The following ETV6 variants were observed in gnomAD, a reference collection of about 807,000 sequenced individuals.
The protein encoded by ETV6 is ETS variant transcription factor 6.
Under a neutral mutation model 51.1 loss-of-function variants are expected in ETV6, and 16 were observed. The ratio of observed to expected loss-of-function variants is 0.31; its 90% CI spans 0.21 to 0.48. The LOEUF is 0.48. ETV6 is among the 20% of genes least tolerant of loss of function. The probability of loss-of-function intolerance (pLI) is 0.99; values close to 1 mark genes in which losing one functional copy is unlikely to be tolerated. For synonymous variants in ETV6, 240 were observed against 224.1 expected (o/e 1.07, Z -0.64); for missense variants, 458 against 594.8 (o/e 0.77, Z 2.39).
At chr12:11,846,855 GTTGT>G (rs994281106) in intron 3 of ETV6, among the ~76,000 whole-genome samples, 76 of 152,246 alleles carry the variant, frequency 5.0e-4, no homozygotes, top group African/African-American at 1.7e-3. Flanking sequence ...TTTGTTTTTT[GTTGT>G]TTGTTTGTTT....
chr12:11,890,124 A>AT (rs34570955), intron 7 of ETV6, among the ~76,000 whole-genome samples: 14,077 of 131,078 alleles, frequency 0.11, 864 homozygotes, highest in Middle Eastern at 0.2. Flanking sequence ...ATTGTAAAAG[A>AT]TTTTTTTTTT....
intron 1 of ETV6, among the ~76,000 whole-genome samples, chr12:11,696,746 A>C (rs1434634012): frequency 6.6e-6 from 1 of 152,140 alleles, no homozygotes; most frequent in Non-Finnish European, 1.5e-5. Context: ...AACCCGGGAG[A>C]TGGAGGTTGC....
intron 2 of ETV6, among the ~76,000 whole-genome samples, chr12:11,801,183 C>A (rs1261126772): frequency 1.3e-5 from 2 of 152,174 alleles, no homozygotes; most frequent in Non-Finnish European, 2.9e-5. Flanking sequence ...CATAAATTAA[C>A]TGGAAGGGAA....
chr12:11,821,048 G>A (rs1241599447), intron 2 of ETV6, among the ~76,000 whole-genome samples: 1 of 152,134 alleles, frequency 6.6e-6, no homozygotes, highest in African/African-American at 2.4e-5. Flanking sequence ...ACTTACCAAT[G>A]GACCAGAAGG....
intron 2 of ETV6, among the ~76,000 whole-genome samples, chr12:11,794,332 G>C (rs982885529): frequency 6.6e-6 from 1 of 152,124 alleles, no homozygotes; most frequent in Non-Finnish European, 1.5e-5. Flanking sequence ...CCTTACCTGG[G>C]GCTATTTTGA....
At chr12:11,808,356 A>G (rs1046174114) in intron 2 of ETV6, among the ~76,000 whole-genome samples, 17 of 152,172 alleles carry the variant, frequency 1.1e-4, no homozygotes, top group Non-Finnish European at 2.2e-4. Context: ...GTACCTGACA[A>G]GGTATACAGT....
At chr12:11,815,764 T>C (rs965677137) in intron 2 of ETV6, among the ~76,000 whole-genome samples, 1 of 151,896 alleles carries the variant, frequency 6.6e-6, no homozygotes, top group Non-Finnish European at 1.5e-5. Context: ...TTGGGGATAT[T>C]TGTGAACAGG....
At chr12:11,886,535 A>T (rs1045621548) in intron 7 of ETV6, among the ~76,000 whole-genome samples, 1 of 152,076 alleles carries the variant, frequency 6.6e-6, no homozygotes, top group Admixed American at 6.5e-5. Context: ...GACATGTAGC[A>T]AGAATGACAG....
At chr12:11,773,328 T>G (rs1945270984) in intron 2 of ETV6, among the ~76,000 whole-genome samples, 1 of 151,758 alleles carries the variant, frequency 6.6e-6, no homozygotes, top group Non-Finnish European at 1.5e-5. Flanking sequence ...TATATAAATT[T>G]TTTTTTAATT....
chr12:11,722,947 A>G (rs921652365), intron 1 of ETV6, among the ~76,000 whole-genome samples: 1 of 152,146 alleles, frequency 6.6e-6, no homozygotes, highest in Non-Finnish European at 1.5e-5. Context: ...CTGGGGTGGG[A>G]CAAAGAATTT....
chr12:11,750,757 C>A, intron 1 of ETV6: 1 of 460,558 alleles, frequency 2.2e-6, no homozygotes. Context: ...CTTTAAAAAC[C>A]TCTGAACAGA....
At chr12:11,790,894 G>T (rs963307230) in intron 2 of ETV6, among the ~76,000 whole-genome samples, 2 of 151,928 alleles carry the variant, frequency 1.3e-5, no homozygotes, top group African/African-American at 2.4e-5. Context: ...GCCAGCATGT[G>T]GGTCTGGAAC....
chr12:11,834,341 T>C (rs1488928249), intron 2 of ETV6, among the ~76,000 whole-genome samples: 2 of 152,230 alleles, frequency 1.3e-5, no homozygotes, highest in Non-Finnish European at 2.9e-5. Context: ...TTTATGATTC[T>C]GTCTCCAGCA....
intron 2 of ETV6, among the ~76,000 whole-genome samples, chr12:11,765,341 G>A (rs963865058): frequency 7.9e-5 from 12 of 152,062 alleles, no homozygotes; most frequent in Admixed American, 7.9e-4. Flanking sequence ...ATCCAGGGCC[G>A]TCTTAGATCC....
chr12:11,761,813 T>A (rs3825082), intron 2 of ETV6, among the ~76,000 whole-genome samples: 84,844 of 152,108 alleles, frequency 0.56, 25,733 homozygotes, highest in Admixed American at 0.72. Flanking sequence ...GAGTATATGA[T>A]TCCTAAGTTC....
intron 1 of ETV6, among the ~76,000 whole-genome samples, chr12:11,736,031 A>T (rs918720323): frequency 2.0e-5 from 3 of 152,252 alleles, no homozygotes; most frequent in African/African-American, 7.2e-5. Flanking sequence ...TGTGCCTGTC[A>T]CATAGTAGTT....
intron 1 of ETV6, among the ~76,000 whole-genome samples, chr12:11,704,665 A>C (rs1865040451): frequency 6.6e-6 from 1 of 152,186 alleles, no homozygotes; most frequent in African/African-American, 2.4e-5. Flanking sequence ...TTTCTTTTAA[A>C]AAATAAATTT....
chr12:11,800,677 A>T (rs1945734845), intron 2 of ETV6, among the ~76,000 whole-genome samples: 1 of 152,150 alleles, frequency 6.6e-6, no homozygotes, highest in South Asian at 2.1e-4. Context: ...TGTGCACCAG[A>T]TTCACCCATG....
intron 1 of ETV6, among the ~76,000 whole-genome samples, chr12:11,664,700 G>T (rs1864163987): frequency 6.6e-6 from 1 of 152,158 alleles, no homozygotes; most frequent in South Asian, 2.1e-4. Context: ...GAAGCTTTGG[G>T]AGGGCAGGTG....
Sources: gnomAD v4.1 joint callset for allele counts (sites outside exome capture counted in the v4.1 genomes callset) on GRCh38, gnomAD v4.1.1 for gene constraint, MANE v1.5 for transcripts, NCBI Gene and HGNC (gene_info 2026-07-23, HGNC 2026-07-21) for gene names.